FAM170A: variants seen among roughly 807,000 people sequenced by gnomAD.
FAM170A encodes family with sequence similarity 170 member A.
A neutral mutation model predicts 36.6 loss-of-function variants in FAM170A; 28 were observed. That is an observed-to-expected ratio of 0.76 (90% CI 0.57 to 1.05). The LOEUF (loss-of-function observed/expected upper bound fraction) is 1.05. FAM170A is among the 50% of genes least tolerant of loss of function. The pLI is 0.00. For synonymous variants in FAM170A, 156 were observed against 143.9 expected (o/e 1.08, Z -0.60); for missense variants, 434 against 396.5 (o/e 1.09, Z -0.80).
intron 2 of FAM170A, among the ~76,000 whole-genome samples, chr5:119,633,453 A>G (rs1756300292): frequency 6.6e-6 from 1 of 151,990 alleles, no homozygotes; most frequent in Admixed American, 6.6e-5. Context: ...CTTTCATCGG[A>G]ACTATTTGGG....
chr5:119,634,483 G>C, exon 3 of FAM170A: 1 of 1,614,224 alleles, frequency 6.2e-7, no homozygotes, highest in East Asian at 2.2e-5. Context: ...CCCTCCAGGA[G>C]CATGTGCAGT....
At chr5:119,634,759 C>A in intron 3 of FAM170A, 25 bp downstream of exon 3, 1 of 1,520,684 alleles carries the variant, frequency 6.6e-7, no homozygotes, top group South Asian at 1.3e-5. Context: ...GGTTGTGGGT[C>A]TGCTGAGGGA....
chr5:119,631,612 C>G (rs1312805228), intron 1 of FAM170A, among the ~76,000 whole-genome samples: 2 of 152,128 alleles, frequency 1.3e-5, no homozygotes, highest in African/African-American at 4.8e-5. Context: ...GAGAAAGAGT[C>G]ACACACCTCC....
intron 1 of FAM170A, among the ~76,000 whole-genome samples, chr5:119,631,801 A>T (rs2126971923): frequency 6.6e-6 from 1 of 152,224 alleles, no homozygotes; most frequent in Middle Eastern, 3.4e-3. Flanking sequence ...ATACCTCTTT[A>T]AGAGCCAGTC....
intron 2 of FAM170A, among the ~76,000 whole-genome samples, chr5:119,633,160 T>C (rs1756292227): frequency 6.6e-6 from 1 of 152,062 alleles, no homozygotes; most frequent in Non-Finnish European, 1.5e-5. Context: ...TATGTGACTC[T>C]TTGGGTGCTG....
intron 2 of FAM170A, among the ~76,000 whole-genome samples, chr5:119,633,636 C>A (rs1756304970): frequency 6.6e-6 from 1 of 152,060 alleles, no homozygotes; most frequent in Admixed American, 6.5e-5. Flanking sequence ...TTCTCCCACA[C>A]TACCTCCCAC....
At chr5:119,631,031 G>A (rs1756239206) in intron 1 of FAM170A, among the ~76,000 whole-genome samples, 1 of 152,226 alleles carries the variant, frequency 6.6e-6, no homozygotes, top group South Asian at 2.1e-4. Flanking sequence ...TGAATCCACA[G>A]TGTGGGACTT....
intron 4 of FAM170A, 27 bp from the exon 5 acceptor site, chr5:119,635,673 T>A (rs1333928726): frequency 6.5e-6 from 1 of 154,696 alleles, no homozygotes; most frequent in African/African-American, 2.4e-5. Flanking sequence ...CTTCCTCTTC[T>A]GCCTCAATTG....
At chr5:119,633,448 A>G (rs1456413267) in intron 2 of FAM170A, among the ~76,000 whole-genome samples, 13 of 152,054 alleles carry the variant, frequency 8.5e-5, no homozygotes, top group Admixed American at 8.5e-4. Flanking sequence ...AAGCACTTTC[A>G]TCGGAACTAT....
intron 1 of FAM170A, 94 bp from the exon 2 acceptor site, chr5:119,632,654 T>G (rs1756278261): frequency 3.2e-6 from 4 of 1,238,860 alleles, no homozygotes; most frequent in South Asian, 1.6e-5. Context: ...ACACCTGACA[T>G]AGGTCAGCCA....
intron 1 of FAM170A, 54 bp downstream of exon 1, chr5:119,629,892 G>GA: frequency 7.1e-7 from 1 of 1,400,650 alleles, no homozygotes; most frequent in Non-Finnish European, 1.0e-6. Flanking sequence ...AGCCTGAGCC[G>GA]CCTTCTTTTT....
chr5:119,629,865 C>T (rs754849680), intron 1 of FAM170A, 27 bp downstream of exon 1: 21 of 1,561,138 alleles, frequency 1.3e-5, no homozygotes, highest in Non-Finnish European at 2.6e-6. Context: ...CTTTCTGGGG[C>T]ACAAGCGTCA....
intron 1 of FAM170A, 47 bp from the exon 2 acceptor site, chr5:119,632,701 A>G: frequency 6.7e-7 from 1 of 1,481,682 alleles, no homozygotes; most frequent in Non-Finnish European, 9.1e-7. Context: ...ATGATGCACA[A>G]ACATTACCCA....
chr5:119,633,141 C>T lies in FAM170A; in HGVS notation c.211+253C>T, dbSNP rs116537872. 2.0e-3 allele frequency among the ~76,000 whole-genome samples: 303 copies of T among 152,042 alleles called. 1 individual carries two copies. Among genetic ancestry groups the T allele is most frequent in the African/African-American group, 6.9e-3 (286 of 41,456 alleles). The stretch of plus-strand genomic sequence containing the variant: ...TGAGCATGAGACTCTGGATGCAGGG[C>T]GCTATGGGTATGTGACTCTTTGGGT... On this transcript the variant is annotated intron_variant, in intron 2 of 4. Coordinates refer to ENST00000613773, the Ensembl canonical transcript of FAM170A.
chr5:119,633,848 A>G, intron 2 of FAM170A, 112 bp from the exon 3 acceptor site: 1 of 1,355,356 alleles, frequency 7.4e-7, no homozygotes, highest in Non-Finnish European at 1.0e-6. Flanking sequence ...CTCACTACAC[A>G]GCTGCATCTC....
chr5:119,633,211 A>G (rs1756293684), intron 2 of FAM170A, among the ~76,000 whole-genome samples: 1 of 152,072 alleles, frequency 6.6e-6, no homozygotes, highest in South Asian at 2.1e-4. Flanking sequence ...CTCCTTGGGT[A>G]GGGGGCAGGA....
exon 3 of FAM170A, chr5:119,634,010 C>G (rs2126973945): frequency 6.2e-7 from 1 of 1,614,158 alleles, no homozygotes; most frequent in East Asian, 2.2e-5. Flanking sequence ...ACCCCTGGCC[C>G]AGGTTCAGGA....
At chr5:119,632,955 T>A (rs1299978537) in intron 2 of FAM170A, 67 bp downstream of exon 2, 2 of 1,489,700 alleles carry the variant, frequency 1.3e-6, no homozygotes, top group African/African-American at 2.8e-5. Flanking sequence ...ATGAAAATAT[T>A]TGAGTGTGGG....
At chr5:119,635,784 T>A (rs964981333) in exon 5 of FAM170A, 1 of 154,416 alleles carries the variant, frequency 6.5e-6, no homozygotes, top group African/African-American at 2.4e-5. Context: ...GTCTAACATG[T>A]AAACATCATA....
Sources: gnomAD v4.1 joint callset for allele counts (sites outside exome capture counted in the v4.1 genomes callset) on GRCh38, gnomAD v4.1.1 for gene constraint, MANE v1.5 for transcripts, NCBI Gene and HGNC (gene_info 2026-07-23, HGNC 2026-07-21) for gene names.